The following HPSE2 variants were observed in gnomAD, a reference collection of about 807,000 sequenced individuals.
The protein encoded by HPSE2 is inactive heparanase-2.
HPSE2 carries 38 observed loss-of-function variants against 60.5 expected under a neutral mutation model. The ratio of observed to expected loss-of-function variants is 0.63; its 90% CI spans 0.48 to 0.82. HPSE2 has a LOEUF of 0.82. Among genes scored for constraint, HPSE2 ranks in the 40% least tolerant of loss-of-function variants. The pLI, the probability that HPSE2 is intolerant of heterozygous loss-of-function variation, is 0.00. For synonymous variants in HPSE2, 295 were observed against 293.2 expected (o/e 1.01, Z -0.06); for missense variants, 713 against 740.4 (o/e 0.96, Z 0.43).
chr10:99,291,348 G>T, the HPSE2 span, among the ~76,000 whole-genome samples: 1 of 152,194 alleles, frequency 6.6e-6, no homozygotes, highest in East Asian at 1.9e-4. Flanking sequence ...CACTTTGGGA[G>T]GCCAAGGCGG....
chr10:98,675,185 C>G (rs1310618473), intron 6 of HPSE2, among the ~76,000 whole-genome samples: 2 of 152,168 alleles, frequency 1.3e-5, no homozygotes, highest in Non-Finnish European at 1.5e-5. Flanking sequence ...GCTGCTCCCT[C>G]TGCCTGGAAC....
intron 2 of HPSE2, among the ~76,000 whole-genome samples, chr10:99,153,813 G>A (rs1206504022): frequency 6.6e-6 from 1 of 152,028 alleles, no homozygotes; most frequent in African/African-American, 2.4e-5. Context: ...TGAGCTACGG[G>A]AGGACATTCA....
chr10:99,014,263 C>T (rs1295781327), intron 3 of HPSE2, among the ~76,000 whole-genome samples: 3 of 152,258 alleles, frequency 2.0e-5, no homozygotes, highest in Non-Finnish European at 1.5e-5. Context: ...CCTCCAGCTC[C>T]ATCCATGTCC....
intron 3 of HPSE2, among the ~76,000 whole-genome samples, chr10:98,956,157 T>C (rs1345161902): frequency 1.3e-5 from 2 of 152,132 alleles, no homozygotes; most frequent in East Asian, 3.8e-4. Flanking sequence ...ATTGAGTACC[T>C]ATTAGACATT....
At chr10:98,473,823 C>A (rs1248772214) in intron 11 of HPSE2, among the ~76,000 whole-genome samples, 2 of 152,200 alleles carry the variant, frequency 1.3e-5, no homozygotes, top group Admixed American at 6.5e-5. Flanking sequence ...ACAATCAGAG[C>A]TGTCTAGTCC....
chr10:98,516,412 G>A (rs929385146), intron 9 of HPSE2, among the ~76,000 whole-genome samples: 2 of 152,156 alleles, frequency 1.3e-5, no homozygotes, highest in African/African-American at 4.8e-5. Context: ...CCCTATTGCA[G>A]TTTTCTGAAT....
chr10:98,680,964 A>T (rs987642646), intron 6 of HPSE2, among the ~76,000 whole-genome samples: 15 of 151,738 alleles, frequency 9.9e-5, no homozygotes, highest in Admixed American at 7.9e-4. Flanking sequence ...CTACTAAGAG[A>T]TGTTGGCCAG....
intron 7 of HPSE2, among the ~76,000 whole-genome samples, chr10:98,629,144 T>C (rs542592179): frequency 6.6e-5 from 10 of 152,134 alleles, no homozygotes; most frequent in Non-Finnish European, 1.2e-4. Flanking sequence ...CCTTCCTTAA[T>C]GAGAAAGGAA....
chr10:98,584,945 T>C (rs370130511), intron 9 of HPSE2, among the ~76,000 whole-genome samples: 11 of 152,332 alleles, frequency 7.2e-5, no homozygotes, highest in African/African-American at 2.6e-4. Flanking sequence ...GCTCCTGTAG[T>C]ACTAAGAAGA....
At chr10:98,665,469 T>G (rs1947337533) in intron 6 of HPSE2, among the ~76,000 whole-genome samples, 1 of 152,098 alleles carries the variant, frequency 6.6e-6, no homozygotes, top group Non-Finnish European at 1.5e-5. Context: ...ACAACCATCC[T>G]CAAGGCACAC....
intron 3 of HPSE2, among the ~76,000 whole-genome samples, chr10:98,975,931 G>A (rs910418205): frequency 6.6e-6 from 1 of 152,154 alleles, no homozygotes. Context: ...GCTAATCAAT[G>A]CAGGTTTTAG....
intron 3 of HPSE2, among the ~76,000 whole-genome samples, chr10:98,973,916 AC>A (rs1956021725): frequency 6.6e-6 from 1 of 152,090 alleles, no homozygotes; most frequent in South Asian, 2.1e-4. Flanking sequence ...CATCCTCCAT[AC>A]CCCTATTACC....
At chr10:98,920,593 C>T (rs1257779791) in intron 3 of HPSE2, among the ~76,000 whole-genome samples, 1 of 152,088 alleles carries the variant, frequency 6.6e-6, no homozygotes, top group Non-Finnish European at 1.5e-5. Flanking sequence ...TGTTTAACAG[C>T]CCTCACTGTC....
chr10:99,300,139 G>A, the HPSE2 span, among the ~76,000 whole-genome samples: 354 of 152,012 alleles, frequency 2.3e-3, 1 homozygote, highest in African/African-American at 8.0e-3. Flanking sequence ...ATCAGCATCT[G>A]GGATGTTCAG....
At chr10:98,767,313 C>A (rs1201959373) in intron 3 of HPSE2, among the ~76,000 whole-genome samples, 1 of 151,784 alleles carries the variant, frequency 6.6e-6, no homozygotes, top group African/African-American at 2.4e-5. Context: ...GAAAAATAAA[C>A]CAGAGTTACA....
intron 7 of HPSE2, among the ~76,000 whole-genome samples, chr10:98,630,139 A>G (rs547029861): frequency 6.6e-6 from 1 of 150,970 alleles, no homozygotes; most frequent in South Asian, 2.1e-4. Context: ...CCTATGGTTC[A>G]CTACAAAGAA....
chr10:98,805,817 AT>A (rs1200877975), intron 3 of HPSE2, among the ~76,000 whole-genome samples: 3 of 152,166 alleles, frequency 2.0e-5, no homozygotes, highest in Admixed American at 6.5e-5. Context: ...GATTTCCAAA[AT>A]TTTTTTCTTC....
chr10:98,552,618 T>A (rs1024505992), intron 9 of HPSE2, among the ~76,000 whole-genome samples: 8 of 152,196 alleles, frequency 5.3e-5, no homozygotes, highest in Admixed American at 4.6e-4. Flanking sequence ...ATCAAAATTC[T>A]TCGACAACAT....
chr10:98,628,582 G>A (rs1000606861), intron 7 of HPSE2, among the ~76,000 whole-genome samples: 1 of 152,170 alleles, frequency 6.6e-6, no homozygotes, highest in African/African-American at 2.4e-5. Flanking sequence ...AAAGGGAGCT[G>A]AGTGGTTGGC....
Sources: gnomAD v4.1 joint callset for allele counts (sites outside exome capture counted in the v4.1 genomes callset) on GRCh38, gnomAD v4.1.1 for gene constraint, MANE v1.5 for transcripts, NCBI Gene and HGNC (gene_info 2026-07-23, HGNC 2026-07-21) for gene names.